Variants in VAC14 observed in about 807,000 individuals in gnomAD.
VAC14 encodes protein VAC14 homolog.
VAC14 carries 47 observed loss-of-function variants against 85.3 expected under a neutral mutation model. The ratio of observed to expected loss-of-function variants is 0.55; its 90% CI spans 0.44 to 0.70. VAC14 has a LOEUF of 0.70. Among genes scored for constraint, VAC14 ranks in the 30% least tolerant of loss-of-function variants. The pLI is 0.00. For missense variants in VAC14, 861 were observed against 1,004.3 expected, an observed-to-expected ratio of 0.86 and a Z score of 1.93; for synonymous variants, 447 against 430.5, an observed-to-expected ratio of 1.04 and a Z score of -0.47.
Position 70,698,882 on chromosome 16 carries a change from C to G in VAC14, c.1662-71G>C, listed in dbSNP as rs2053766644. On this transcript the variant is annotated intron_variant, in intron 14 of 18. Transcript: ENST00000261776. ...GGCTCTGTGTCTCAGCCTGGGAGGC[C>G]TCCTCTTGGTTTTGCAGCGTCCTGG... The G allele has an allele frequency of 2.6e-6, 4 of 1,553,030 alleles. No individual in the cohort carries two copies. The African/African-American group carries it at 4.1e-5, about 16-fold the overall frequency.
chr16:70,769,207 C>T (rs2033039908), intron 10 of VAC14: 2 of 161,756 alleles, frequency 1.2e-5, no homozygotes, highest in South Asian at 3.2e-4. Context: ...ACTGCCACCA[C>T]CATGGCAGTT....
In VAC14 at chr16:70,767,767, G is replaced by C. The variant is rs116428560; in HGVS notation, c.1160+4342C>G. ...CCTCTCTGGGTCTGTTTCCTCATTT[G>C]TAAGATGGGGATAATAACAAGGTTC... On this transcript the variant is annotated intron_variant, in intron 10 of 18. Coordinates refer to ENST00000261776, the MANE Select transcript of VAC14 (RefSeq NM_018052.5). 4.2e-3 allele frequency among the ~76,000 whole-genome samples: 633 copies of C among 152,352 alleles called. 1 individual carries two copies. Among genetic ancestry groups the C allele is most frequent in the African/African-American group, 0.015 (610 of 41,564 alleles).
At chr16:70,777,367 A>T (rs1416115850) in intron 9 of VAC14, among the ~76,000 whole-genome samples, 2 of 152,210 alleles carry the variant, frequency 1.3e-5, no homozygotes, top group Non-Finnish European at 2.9e-5. Flanking sequence ...TACTATTGTT[A>T]CCCTACTTAA....
intron 3 of VAC14, 24 bp from the exon 4 acceptor site, chr16:70,784,862 G>A (rs754359433): frequency 2.4e-5 from 38 of 1,609,612 alleles, no homozygotes; most frequent in Non-Finnish European, 2.9e-5. Context: ...AGACAGGGGA[G>A]GGACACAGAG....
chr16:70,689,542 G>A (rs2053560151), intron 18 of VAC14: 2 of 985,454 alleles, frequency 2.0e-6, no homozygotes, highest in Non-Finnish European at 2.4e-6. Context: ...GCCATCTGGG[G>A]CCCGGAGGCG....
At chr16:70,739,061 G>A (rs368128660) in intron 13 of VAC14, among the ~76,000 whole-genome samples, 1 of 152,204 alleles carries the variant, frequency 6.6e-6, no homozygotes, top group East Asian at 1.9e-4. Context: ...TAATAACTAG[G>A]ACACAAGCAA....
At chr16:70,706,365 C>G (rs2053920331) in intron 14 of VAC14, among the ~76,000 whole-genome samples, 1 of 152,242 alleles carries the variant, frequency 6.6e-6, no homozygotes, top group South Asian at 2.1e-4. Flanking sequence ...GGCAAACCAG[C>G]AGGAGGGCAA....
At chr16:70,792,688 G>A (rs1385100016) in intron 1 of VAC14, among the ~76,000 whole-genome samples, 2 of 152,218 alleles carry the variant, frequency 1.3e-5, no homozygotes, top group Non-Finnish European at 2.9e-5. Context: ...CATGGACACT[G>A]CAAGACACAT....
At chr16:70,755,895 C>G (rs1042759091) in intron 12 of VAC14, 39 of 407,814 alleles carry the variant, frequency 9.6e-5, no homozygotes, top group Non-Finnish European at 1.7e-4. Context: ...ACCTGGGAAC[C>G]TAGGGGCACT....
At chr16:70,790,637 G>T (rs1375155457) in intron 1 of VAC14, among the ~76,000 whole-genome samples, 2 of 152,148 alleles carry the variant, frequency 1.3e-5, no homozygotes, top group Non-Finnish European at 2.9e-5. Flanking sequence ...CCTGAGGGAG[G>T]CAAGGGGGAT....
intron 10 of VAC14, 91 bp from the exon 11 acceptor site, chr16:70,763,116 T>C: frequency 6.4e-7 from 1 of 1,568,590 alleles, no homozygotes; most frequent in Non-Finnish European, 8.7e-7. Context: ...CTGCACATCC[T>C]GAGTCACACA....
intron 12 of VAC14, chr16:70,756,204 A>AGCTCT (rs942539112): frequency 1.7e-5 from 7 of 419,930 alleles, no homozygotes; most frequent in South Asian, 3.5e-5. Context: ...GCCTCACCCC[A>AGCTCT]GCTCTGCTCT....
intron 1 of VAC14, among the ~76,000 whole-genome samples, chr16:70,787,671 TG>T (rs2034130610): frequency 6.6e-6 from 1 of 152,160 alleles, no homozygotes. Flanking sequence ...GGAGTTTTCC[TG>T]GAAGTGGGAT....
At chr16:70,785,943 G>A in intron 2 of VAC14, 74 bp from the exon 3 acceptor site, 4 of 1,490,640 alleles carry the variant, frequency 2.7e-6, no homozygotes, top group Middle Eastern at 1.9e-4. Flanking sequence ...AGTGCCAGCT[G>A]ACATCCCAGC....
At chr16:70,771,833 G>C (rs1392951761) in intron 10 of VAC14, 1 of 378,414 alleles carries the variant, frequency 2.6e-6, no homozygotes, top group Non-Finnish European at 4.8e-6. Flanking sequence ...TGCCTGCCTT[G>C]GCCTCCCCAA....
rs2053626400 is a variant in VAC14 at position 70,692,884 on chromosome 16, C to A, written c.2123G>T (p.Ser708Ile). ...CCGGTGCGAGAGCAGCTGGAAGGCG[C>A]TGCTCTGCGGCAGGAGCATGAGCAG... ...YGLLMLLPQSSAFQLLSHRLQ... is the reference protein window; with the variant it reads ...YGLLMLLPQSIAFQLLSHRLQ... The change falls in exon 18 of 19, where the codon AGC becomes ATC. Residue 708 changes from serine (S) to isoleucine (I), a missense_variant. Coordinates refer to ENST00000261776, the MANE Select transcript of VAC14 (RefSeq NM_018052.5). 1 of 1,607,958 alleles carries A rather than the reference C, an allele frequency of 6.2e-7. No homozygotes were observed.
At chr16:70,787,809 G>C (rs2034138916) in intron 1 of VAC14, among the ~76,000 whole-genome samples, 1 of 152,254 alleles carries the variant, frequency 6.6e-6, no homozygotes, top group Non-Finnish European at 1.5e-5. Flanking sequence ...CAGTACAGCA[G>C]CGGGATGGGC....
At chr16:70,691,282 G>A (rs953978963) in intron 18 of VAC14, 1 of 985,314 alleles carries the variant, frequency 1.0e-6, no homozygotes, top group Non-Finnish European at 1.2e-6. Flanking sequence ...AGGACTCCCA[G>A]GAAGGCAGGC....
chr16:70,729,987 T>C (rs976325142), intron 14 of VAC14, among the ~76,000 whole-genome samples: 1 of 151,484 alleles, frequency 6.6e-6, no homozygotes, highest in Non-Finnish European at 1.5e-5. Flanking sequence ...CCCTCCTCAC[T>C]CCCTGCCACT....
Sources: gnomAD v4.1 joint callset for allele counts (sites outside exome capture counted in the v4.1 genomes callset) on GRCh38, gnomAD v4.1.1 for gene constraint, MANE v1.5 for transcripts, NCBI Gene and HGNC (gene_info 2026-07-23, HGNC 2026-07-21) for gene names.